Variants in SMARCA2 observed in about 807,000 individuals in gnomAD.
SMARCA2 encodes SWI/SNF-related matrix-associated actin-dependent regulator of chromatin subfamily A member 2.
Under a neutral mutation model 199.8 loss-of-function variants are expected in SMARCA2, and 61 were observed. That is an observed-to-expected ratio of 0.31 (90% CI 0.25 to 0.38). The LOEUF is 0.38. Among genes scored for constraint, SMARCA2 ranks in the 10% least tolerant of loss-of-function variants. SMARCA2 has a pLI of 1.00. For missense variants in SMARCA2, 1,344 were observed against 2,012.2 expected (o/e 0.67, Z 6.35); for synonymous variants, 935 against 732.0 (o/e 1.28, Z -4.48).
chr9:2,136,186 CT>C (rs35768052), intron 27 of SMARCA2, among the ~76,000 whole-genome samples: 24,434 of 131,404 alleles, frequency 0.19, 4,179 homozygotes, highest in African/African-American at 0.46. Context: ...TCCCCTGCTT[CT>C]TTTTTTTTTT....
intron 9 of SMARCA2, among the ~76,000 whole-genome samples, chr9:2,067,115 A>G (rs1285724125): frequency 6.6e-6 from 1 of 152,218 alleles, no homozygotes; most frequent in Non-Finnish European, 1.5e-5. Context: ...ACATGGCAGA[A>G]TTAGGTCCAA....
chr9:2,152,022 G>A (rs538462131), intron 27 of SMARCA2, among the ~76,000 whole-genome samples: 2 of 151,772 alleles, frequency 1.3e-5, no homozygotes, highest in South Asian at 2.1e-4. Context: ...AAAGAAAATG[G>A]TAATTACATG....
At chr9:2,131,469 T>C (rs1823945110) in intron 27 of SMARCA2, among the ~76,000 whole-genome samples, 1 of 152,138 alleles carries the variant, frequency 6.6e-6, no homozygotes, top group African/African-American at 2.4e-5. Context: ...GATCTTTAAA[T>C]TGGGCGATAG....
chr9:2,029,829 G>A (rs778700283), intron 2 of SMARCA2, among the ~76,000 whole-genome samples: 3 of 152,224 alleles, frequency 2.0e-5, no homozygotes, highest in Non-Finnish European at 4.4e-5. Context: ...CTCACGTCCA[G>A]CTGTTTATTT....
chr9:2,083,507 T>C, intron 16 of SMARCA2, 94 bp downstream of exon 16: 2 of 734,702 alleles, frequency 2.7e-6, no homozygotes, highest in Admixed American at 2.5e-5. Context: ...CTGTATTTGG[T>C]TGTAAAGTTT....
intron 2 of SMARCA2, among the ~76,000 whole-genome samples, chr9:2,031,372 T>C (rs544857604): frequency 2.2e-4 from 34 of 152,358 alleles, no homozygotes; most frequent in African/African-American, 7.5e-4. Flanking sequence ...TTGGGAGCTA[T>C]ATTCTGGATC....
At chr9:2,064,154 A>G (rs1820724434) in intron 9 of SMARCA2, among the ~76,000 whole-genome samples, 1 of 152,264 alleles carries the variant, frequency 6.6e-6, no homozygotes. Flanking sequence ...TCAAGCCACC[A>G]GGGCCTGTAG....
Position 2,104,243 on chromosome 9 carries a change from C to T in SMARCA2, c.3292+74C>T. ...GGGATAATGGGCACTTAGGTCCAAT[C>T]TCAGCCAAAAAGAAGGGGTAAAATT... On this transcript the variant is annotated intron_variant, in intron 23 of 33. Coordinates refer to ENST00000349721, the MANE Select transcript of SMARCA2 (RefSeq NM_003070.5). This position sits in a 1 kb window ranked among gnomAD's most constrained non-coding sequence, Gnocchi z 4.0. The T allele has an allele frequency of 7.4e-7, 1 of 1,346,326 alleles. No individual in the cohort carries two copies. The allele number at this position is 1,346,326 out of a possible 1,614,324, so 83.4% of individuals were successfully genotyped here. A position where few individuals can be genotyped will look rare whatever the true frequency, so the allele number is the denominator to read the frequency against.
chr9:2,091,349 G>A (rs1415150074), intron 19 of SMARCA2, among the ~76,000 whole-genome samples: 1 of 152,036 alleles, frequency 6.6e-6, no homozygotes, highest in African/African-American at 2.4e-5. Flanking sequence ...CCAAAATGTC[G>A]TATGAGTAGA....
chr9:2,051,447 G>A (rs1026536055), intron 5 of SMARCA2, among the ~76,000 whole-genome samples: 12 of 151,970 alleles, frequency 7.9e-5, no homozygotes, highest in South Asian at 4.2e-4. Context: ...CCATCTCCCC[G>A]GGGTTCCCAC....
intron 27 of SMARCA2, among the ~76,000 whole-genome samples, chr9:2,145,109 G>C (rs1824669655): frequency 6.6e-6 from 1 of 152,074 alleles, no homozygotes; most frequent in Non-Finnish European, 1.5e-5. Context: ...AAACCAGTCT[G>C]GCCAAAATGG....
chr9:2,016,217 G>C lies in SMARCA2; in HGVS notation c.-37+813G>C, dbSNP rs1818347468. On this transcript the variant is annotated intron_variant, in intron 1 of 33. Transcript: ENST00000349721. The surrounding 1 kb of genome is among the most constrained non-coding windows in gnomAD (Gnocchi z 5.6). ...GCGTGGATGGGGAGGCTGATTGGTAGGCAGGCCTTTAGGCAAAGGGGCTGC... is the reference window on the plus strand; with the variant it reads ...GCGTGGATGGGGAGGCTGATTGGTACGCAGGCCTTTAGGCAAAGGGGCTGC... The C allele has an allele frequency of 6.6e-6, 1 of 152,398 alleles. No homozygotes were observed. Among genetic ancestry groups the C allele is most frequent in the Non-Finnish European group, 1.5e-5 (1 of 68,202 alleles). 9.4% of individuals were successfully genotyped at this position (152,398 alleles called of 1,614,324 possible). A position where few individuals can be genotyped will look rare whatever the true frequency, so the allele number is the denominator to read the frequency against.
At chr9:2,141,987 C>T (rs915578108) in intron 27 of SMARCA2, among the ~76,000 whole-genome samples, 1 of 152,064 alleles carries the variant, frequency 6.6e-6, no homozygotes, top group African/African-American at 2.4e-5. Flanking sequence ...GAGACCTGCC[C>T]GTGAAGGCTG....
intron 27 of SMARCA2, among the ~76,000 whole-genome samples, chr9:2,155,013 G>C (rs373787388): frequency 6.6e-6 from 1 of 152,174 alleles, no homozygotes; most frequent in African/African-American, 2.4e-5. Context: ...TAAGTCTCTT[G>C]CAGGGTCTCA....
rs56186732 is a variant in SMARCA2, at chr9:2,176,182, G to GTTTTTTTTTTTTTTTTTTT, written c.4254-5386_4254-5368dup. Among the ~76,000 whole-genome samples the GTTTTTTTTTTTTTTTTTTT allele has an allele frequency of 4.7e-4, 49 of 104,132 alleles. 1 individual carries two copies. The highest frequency in any genetic ancestry group is 1.6e-3 in the African/African-American group (42 of 26,858). 68.3% of individuals were successfully genotyped at this position (104,132 alleles called of 152,430 possible). On this transcript the variant is annotated intron_variant, in intron 29 of 33. Coordinates refer to ENST00000349721, the MANE Select transcript of SMARCA2 (RefSeq NM_003070.5). Reference sequence around the variant, plus strand: ...AGGCATGAGCCACCGCGCCCGGCCTGTTTTTTTTTTTTTTTTTTTTTATAA... The same window carrying GTTTTTTTTTTTTTTTTTTT: ...AGGCATGAGCCACCGCGCCCGGCCTGTTTTTTTTTTTTTTTTTTTTTTTTTTTTTTTTTTTTTTTTATAA...
intron 5 of SMARCA2, among the ~76,000 whole-genome samples, chr9:2,050,605 G>A (rs7855457): frequency 0.069 from 10,548 of 151,886 alleles, 850 homozygotes; most frequent in African/African-American, 0.19. Context: ...CAGGAAGCAG[G>A]CATAGGCTGC....
At chr9:2,079,032 A>G (rs1380137480) in intron 14 of SMARCA2, among the ~76,000 whole-genome samples, 1 of 152,166 alleles carries the variant, frequency 6.6e-6, no homozygotes, top group East Asian at 1.9e-4. Context: ...TACCATATAA[A>G]TTACTATTTC....
chr9:2,095,519 A>G (rs1045280020), intron 19 of SMARCA2, among the ~76,000 whole-genome samples: 6 of 152,202 alleles, frequency 3.9e-5, no homozygotes, highest in South Asian at 4.1e-4. Flanking sequence ...TCACCTGGCC[A>G]AGAAGGTCAT....
At chr9:2,083,701 C>T (rs148285551) in intron 16 of SMARCA2, among the ~76,000 whole-genome samples, 16 of 152,322 alleles carry the variant, frequency 1.1e-4, no homozygotes, top group African/African-American at 3.6e-4. Context: ...CTGACTGGCT[C>T]GCTGTGGGCT....
Sources: allele counts gnomAD v4.1 joint callset (sites outside exome capture counted in the v4.1 genomes callset), GRCh38; gene constraint gnomAD v4.1.1; non-coding constraint Gnocchi (gnomAD v3.1); transcripts MANE v1.5; gene names NCBI Gene and HGNC (gene_info 2026-07-23, HGNC 2026-07-21).